ZNF324: variants seen among roughly 807,000 people sequenced by gnomAD.
The protein encoded by ZNF324 is zinc finger protein 324A.
Under a neutral mutation model 10.3 loss-of-function variants are expected in ZNF324, and 3 were observed. The observed-to-expected ratio is 0.29, with a 90% CI of 0.13 to 0.75. The LOEUF is 0.75. Ranked by LOEUF, ZNF324 falls within the 30% of genes least tolerant of loss-of-function variation. The pLI is 0.69. For synonymous variants in ZNF324, 430 were observed against 339.5 expected, an observed-to-expected ratio of 1.27 and a Z score of -2.93; for missense variants, 763 against 784.4, an observed-to-expected ratio of 0.97 and a Z score of 0.33.
chr19:58,469,085 C>T (rs1410133957), intron 1 of ZNF324, 95 bp from the exon 2 acceptor site: 1 of 1,514,528 alleles, frequency 6.6e-7, no homozygotes, highest in East Asian at 2.3e-5. Context: ...ATGTGTTGCC[C>T]AAGACAATTC....
In ZNF324 at chr19:58,472,298, C is replaced by G; in HGVS notation, c.*144C>G. Reference sequence around the variant, plus strand: ...CCCTTTGGCTGTGATTTCATTTGCACGTGGGGACAGGATTTGCCAGTTCAC... The same window carrying G: ...CCCTTTGGCTGTGATTTCATTTGCAGGTGGGGACAGGATTTGCCAGTTCAC... On this transcript the variant is annotated 3_prime_UTR_variant, in exon 4 of 4. Coordinates refer to ENST00000196482, the MANE Select transcript of ZNF324 (RefSeq NM_014347.3). 2.2e-6 allele frequency: 2 copies of G among 896,810 alleles called. No individual in the cohort carries two copies. The highest frequency in any genetic ancestry group is 3.3e-6 in the Non-Finnish European group (2 of 612,172). 55.6% of individuals were successfully genotyped at this position (896,810 alleles called of 1,614,324 possible). A position where few individuals can be genotyped will look rare whatever the true frequency, so the allele number is the denominator to read the frequency against.
chr19:58,467,526 G>A (rs996751392), intron 1 of ZNF324: 1 of 152,406 alleles, frequency 6.6e-6, no homozygotes, highest in African/African-American at 2.4e-5. Context: ...GGGAAGCAGG[G>A]GAGTCCCTGC....
rs1036330093 is a variant in ZNF324, at chr19:58,470,422, G to A, written c.239-309G>A. ...GGGAAGGGGGTAAGCAATGGAAAGA[G>A]TGTGGGTGGAATAGCCAGTGTGGAG... On this transcript the variant is annotated intron_variant, in intron 3 of 3. Transcript: ENST00000196482. 8.1e-6 allele frequency: 4 copies of A among 496,674 alleles called. No individual in the cohort carries two copies. The Admixed American group carries it at 1.3e-4, about 16-fold the overall frequency. The allele number at this position is 496,674 out of a possible 1,614,324, so 30.8% of individuals were successfully genotyped here.
At position 58,472,081 on chromosome 19, in the gene ZNF324, G is replaced by C. The variant is rs61731807; in HGVS notation, c.1589G>C (p.Gly530Ala). The C allele has an allele frequency of 1.1e-3, 1,683 of 1,601,524 alleles. 18 individuals are homozygous for C. In the African/African-American group the frequency reaches 0.02, roughly 19 times the overall value. The change falls in exon 4 of 4, where the codon GGT becomes GCT. Residue 530 changes from glycine (G) to alanine (A), a missense_variant. This residue lies in a region of ZNF324 where 231 missense variants were observed against 196.0 expected (regional missense o/e 1.18). Coordinates refer to ENST00000196482, the MANE Select transcript of ZNF324 (RefSeq NM_014347.3). Reference protein sequence around the residue: ...ARSVAGASSEGAPAKETEPTP... With the variant: ...ARSVAGASSEAAPAKETEPTP... ...TCTGTTGCCGGGGCATCATCAGAAG[G>C]TGCGCCAGCGAAGGAAACCGAGCCC...
In ZNF324 at chr19:58,473,208, G is replaced by T. The variant is rs2053053577; in HGVS notation, c.*1054G>T. ...CATTATCCCTCCTCAATTGGAGGCTGGACAGAGCTGAATAGGAAAGACTTG... is the reference window on the plus strand; with the variant it reads ...CATTATCCCTCCTCAATTGGAGGCTTGACAGAGCTGAATAGGAAAGACTTG... On this transcript the variant is annotated 3_prime_UTR_variant, in exon 4 of 4. Transcript: ENST00000196482. 1 of 152,562 alleles carries T rather than the reference G, an allele frequency of 6.6e-6. No homozygotes were observed. Among genetic ancestry groups the T allele is most frequent in the Middle Eastern group, 3.1e-3 (1 of 318 alleles). 9.5% of individuals were successfully genotyped at this position (152,562 alleles called of 1,614,324 possible). A position where few individuals can be genotyped will look rare whatever the true frequency, so the allele number is the denominator to read the frequency against.
In ZNF324 at chr19:58,470,711, C is replaced by T. The variant is rs756198943; in HGVS notation, c.239-20C>T. ...TCCTAACCAGGATGCCCCAGGCAAC[C>T]ACTGTTTCTCTGCCTTTAGGTTCCT... is the stretch of plus-strand genomic sequence containing the variant. On this transcript the variant is annotated intron_variant, in intron 3 of 3. Coordinates refer to ENST00000196482, the MANE Select transcript of ZNF324 (RefSeq NM_014347.3). 6.2e-7 allele frequency: 1 copy of T among 1,614,178 alleles called. No homozygotes were observed. Among genetic ancestry groups the T allele is most frequent in the South Asian group, 1.1e-5 (1 of 91,076 alleles).
Position 58,473,445 on chromosome 19 carries a change from C to T in ZNF324, c.*1291C>T, listed in dbSNP as rs2053056195. 1 of 144,240 alleles carries T rather than the reference C, an allele frequency of 6.9e-6. No individual in the cohort carries two copies. The highest frequency in any genetic ancestry group is 1.5e-5 in the Non-Finnish European group (1 of 66,210). The allele number at this position is 144,240 out of a possible 1,614,324, so 8.9% of individuals were successfully genotyped here. Reference sequence around the variant, plus strand: ...AAAAAAAAAAGACTACCATCTGCAACTCAGAGTAGGTGTTGCAGTTTCCTG... The same window carrying T: ...AAAAAAAAAAGACTACCATCTGCAATTCAGAGTAGGTGTTGCAGTTTCCTG... On this transcript the variant is annotated 3_prime_UTR_variant, in exon 4 of 4. Transcript: ENST00000196482.
chr19:58,470,573 C>T (rs765873544), intron 3 of ZNF324, 158 bp from the exon 4 acceptor site: 2 of 886,148 alleles, frequency 2.3e-6, no homozygotes, highest in Non-Finnish European at 3.7e-6. Context: ...CAGATTGTTC[C>T]TCCAAACCCC....
In ZNF324 at chr19:58,472,354, TAGC is replaced by T. The variant is rs2053044608; in HGVS notation, c.*202_*204del. On this transcript the variant is annotated 3_prime_UTR_variant, in exon 4 of 4. Coordinates refer to ENST00000196482, the MANE Select transcript of ZNF324 (RefSeq NM_014347.3). ...GATCACACCTCCATCCCCAAAGAGGTAGCACTGCAGCAACATCAGGGGGAGGAC... is the reference window on the plus strand; with the variant it reads ...GATCACACCTCCATCCCCAAAGAGGTACTGCAGCAACATCAGGGGGAGGAC... The T allele has an allele frequency of 5.0e-6, 3 of 600,056 alleles. No individual in the cohort carries two copies. The highest frequency in any genetic ancestry group is 8.6e-6 in the Non-Finnish European group (3 of 348,374). The allele number at this position is 600,056 out of a possible 1,614,324, so 37.2% of individuals were successfully genotyped here. A position where few individuals can be genotyped will look rare whatever the true frequency, so the allele number is the denominator to read the frequency against.
chr19:58,469,154 C>G (rs1243272003), intron 1 of ZNF324, 26 bp from the exon 2 acceptor site: 1 of 1,613,988 alleles, frequency 6.2e-7, no homozygotes, highest in Non-Finnish European at 8.5e-7. Context: ...TAGACCATGG[C>G]TGTCTCTTCC....
chr19:58,470,363 G>C (rs1463886450), intron 3 of ZNF324, among the ~76,000 whole-genome samples: 3 of 151,810 alleles, frequency 2.0e-5, no homozygotes, highest in Non-Finnish European at 4.4e-5. Flanking sequence ...AGCAGGTTGG[G>C]GAGTGGGTGC....
chr19:58,470,268 T>C (rs2053016559), intron 3 of ZNF324, among the ~76,000 whole-genome samples: 1 of 151,812 alleles, frequency 6.6e-6, no homozygotes, highest in Admixed American at 6.6e-5. Flanking sequence ...CCTGCTTTTC[T>C]GGGGCTCATG....
At position 58,471,279 on chromosome 19, in the gene ZNF324, A is replaced by G. The variant is rs766738740; in HGVS notation, c.787A>G (p.Ser263Gly). ...GEKSFECRAC[S>G]KVFVKSSDLL... ...GAAGTCCTTCGAATGCAGGGCGTGCAGCAAAGTGTTCGTGAAGAGCTCCGA... is the reference window on the plus strand; with the variant it reads ...GAAGTCCTTCGAATGCAGGGCGTGCGGCAAAGTGTTCGTGAAGAGCTCCGA... The change falls in exon 4 of 4, where the codon AGC (serine) becomes GGC (glycine). Residue 263 changes from serine (S) to glycine (G), a missense_variant. By Grantham distance (56) the Ser-to-Gly change is moderately conservative. Transcript: ENST00000196482. 1 of 1,613,740 alleles carries G rather than the reference A, an allele frequency of 6.2e-7. No homozygotes were observed. Among genetic ancestry groups the G allele is most frequent in the Admixed American group, 1.7e-5 (1 of 60,008 alleles).
intron 3 of ZNF324, chr19:58,470,458 C>T (rs1485160174): frequency 1.5e-5 from 9 of 584,806 alleles, no homozygotes; most frequent in Non-Finnish European, 2.5e-5. Flanking sequence ...ATGTATGCAG[C>T]ATACAGCAGC....
intron 3 of ZNF324, among the ~76,000 whole-genome samples, chr19:58,470,348 G>A (rs1177069172): frequency 6.6e-6 from 1 of 150,550 alleles, no homozygotes; most frequent in East Asian, 2.0e-4. Flanking sequence ...GGAGGTCATT[G>A]CAGGAGCAGG....
chr19:58,471,034 A>C lies in ZNF324; in HGVS notation c.542A>C (p.Glu181Ala). The change falls in exon 4 of 4, where the codon GAG becomes GCG. Residue 181 changes from glutamate to alanine, a missense_variant. Glu to Ala is a moderately radical substitution (Grantham distance 107). Transcript: ENST00000196482. ...CGGCTTAGAGAAAAGACACTCACAG[A>C]GCATGCGTTGCTGGGGAGGCAGCCC... ...GVRLREKTLT[E>A]HALLGRQPRT... is the part of the protein sequence containing the mutation. 6.2e-7 allele frequency: 1 copy of C among 1,614,052 alleles called. No individual in the cohort carries two copies. Among genetic ancestry groups the C allele is most frequent in the Non-Finnish European group, 8.5e-7 (1 of 1,180,034 alleles).
In ZNF324 at chr19:58,473,612, C is replaced by T. The variant is rs1451450124; in HGVS notation, c.*1458C>T. 6.6e-6 allele frequency: 1 copy of T among 152,180 alleles called. No individual in the cohort carries two copies. Among genetic ancestry groups the T allele is most frequent in the East Asian group, 1.9e-4 (1 of 5,190 alleles). 9.4% of individuals were successfully genotyped at this position (152,180 alleles called of 1,614,324 possible). The stretch of plus-strand genomic sequence containing the variant: ...AACGGTAGCAACCTGACACCTATTT[C>T]ACCCTCATACAATGCAGATGGTATT... On this transcript the variant is annotated 3_prime_UTR_variant, in exon 4 of 4. Transcript: ENST00000196482.
In ZNF324 at chr19:58,474,762, AAC is replaced by A. The variant is rs1287619359; in HGVS notation, c.*2612_*2613del. The A allele has an allele frequency of 1.3e-5, 2 of 152,242 alleles. No homozygotes were observed. The highest frequency in any genetic ancestry group is 1.3e-4 in the Admixed American group (2 of 15,280). 9.4% of individuals were successfully genotyped at this position (152,242 alleles called of 1,614,324 possible). The stretch of plus-strand genomic sequence containing the variant: ...TGAAACCACAGAGGGGAGTATTTAA[AAC>A]ACATAACCCACAAGTATGAGGATGG... On this transcript the variant is annotated 3_prime_UTR_variant, in exon 4 of 4. Coordinates refer to ENST00000196482, the MANE Select transcript of ZNF324 (RefSeq NM_014347.3).
chr19:58,471,160 G>A lies in ZNF324; in HGVS notation c.668G>A (p.Arg223Gln), dbSNP rs2053028551. 2 of 1,613,782 alleles carry A rather than the reference G, an allele frequency of 1.2e-6. No homozygotes were observed. The highest frequency in any genetic ancestry group is 4.5e-5 in the East Asian group (2 of 44,888). The change falls in exon 4 of 4, where the codon CGA (arginine) becomes CAA (glutamine). Residue 223 changes from arginine (R) to glutamine (Q), a missense_variant. Physicochemically the swap from Arg to Gln is conservative, Grantham distance 43 (BLOSUM62 1). Coordinates refer to ENST00000196482, the MANE Select transcript of ZNF324 (RefSeq NM_014347.3). The part of the protein sequence containing the change: ...LEAAGGRGHH[R>Q]MGAVWQEPHR... ...GCTGCCGGCGGTCGGGGACATCACC[G>A]AATGGGTGCAGTTTGGCAGGAGCCT...
Sources: allele counts gnomAD v4.1 joint callset (sites outside exome capture counted in the v4.1 genomes callset), GRCh38; gene constraint gnomAD v4.1.1; regional missense constraint gnomAD v4.1.1; transcripts MANE v1.5; gene names NCBI Gene and HGNC (gene_info 2026-07-23, HGNC 2026-07-21).